Variants in CFAP53 observed in about 807,000 individuals in gnomAD.
CFAP53 encodes the protein cilia- and flagella-associated protein 53.
CFAP53 carries 62 observed loss-of-function variants against 59.7 expected under a neutral mutation model. The observed-to-expected ratio is 1.04, with a 90% CI of 0.85 to 1.28. The LOEUF is 1.28. CFAP53 is among the 50% of genes most tolerant of loss of function. The pLI, the probability that CFAP53 is intolerant of heterozygous loss-of-function variation, is 0.00. For synonymous variants in CFAP53, 218 were observed against 205.7 expected, an observed-to-expected ratio of 1.06 and a Z score of -0.51; for missense variants, 629 against 615.6, an observed-to-expected ratio of 1.02 and a Z score of -0.23.
At position 50,251,800 on chromosome 18, in the gene CFAP53, TAAA is replaced by T. The variant is rs1381206805; in HGVS notation, c.474-19_474-17del. 1.2e-6 allele frequency: 2 copies of T among 1,608,644 alleles called. No homozygotes were observed. Among genetic ancestry groups the T allele is most frequent in the East Asian group, 4.5e-5 (2 of 44,848 alleles). On this transcript the variant is annotated splice_polypyrimidine_tract_variant and intron_variant, in intron 3 of 7. Transcript: ENST00000398545. ...ACAGCGTTCCCTGAAAGGAAAATTT[TAAA>T]AAGACAAAACCCAGCCTTTCGTGAG...
chr18:50,256,635 T>G (rs1318284856), intron 3 of CFAP53, among the ~76,000 whole-genome samples: 1 of 152,098 alleles, frequency 6.6e-6, no homozygotes, highest in African/African-American at 2.4e-5. Context: ...TGCAATGGCT[T>G]ACTTCTCCTT....
intron 7 of CFAP53, 96 bp downstream of exon 7, chr18:50,238,507 C>T (rs1378444036): frequency 2.8e-6 from 2 of 715,718 alleles, no homozygotes; most frequent in African/African-American, 3.6e-5. Context: ...TTTCCTCAGC[C>T]TCCCAAAGTA....
intron 3 of CFAP53, among the ~76,000 whole-genome samples, chr18:50,259,847 G>T (rs559618623): frequency 1.1e-4 from 16 of 152,282 alleles, no homozygotes; most frequent in Non-Finnish European, 2.1e-4. Flanking sequence ...ACTGTGCCCA[G>T]CCAAATAACA....
At chr18:50,258,917 C>T (rs556871609) in intron 3 of CFAP53, among the ~76,000 whole-genome samples, 1 of 152,146 alleles carries the variant, frequency 6.6e-6, no homozygotes, top group Non-Finnish European at 1.5e-5. Flanking sequence ...ATCATTTCAC[C>T]CCAGTTAAAA....
intron 7 of CFAP53, among the ~76,000 whole-genome samples, chr18:50,229,740 C>CTTTT (rs141422966): frequency 2.2e-5 from 3 of 135,976 alleles, no homozygotes; most frequent in Non-Finnish European, 3.1e-5. Flanking sequence ...TTTTCTTTTT[C>CTTTT]TTTTTTTTTT....
chr18:50,253,025 T>C (rs1353860219), intron 3 of CFAP53, among the ~76,000 whole-genome samples: 2 of 151,898 alleles, frequency 1.3e-5, no homozygotes, highest in Admixed American at 6.5e-5. Context: ...TTTCTTTTTT[T>C]TTTTTTTTTG....
intron 3 of CFAP53, among the ~76,000 whole-genome samples, chr18:50,253,351 TAGAC>T (rs1483177007): frequency 6.6e-6 from 1 of 152,236 alleles, no homozygotes; most frequent in Non-Finnish European, 1.5e-5. Context: ...AATTAAATGA[TAGAC>T]AGAATATTTA....
Position 50,255,869 on chromosome 18 carries a change from C to CAA in CFAP53, c.474-4087_474-4086dup, listed in dbSNP as rs71169498. 7.6e-3 allele frequency among the ~76,000 whole-genome samples: 1,114 copies of CAA among 146,038 alleles called. 22 individuals carry two copies. Among genetic ancestry groups the CAA allele is most frequent in the East Asian group, 0.074 (372 of 5,040 alleles). ...TGTGGTATATTTATACAATGGAATA[C>CAA]AAAAAAAAAAAGAGGAAAATTTTCA... On this transcript the variant is annotated intron_variant, in intron 3 of 7. Coordinates refer to ENST00000398545, the MANE Select transcript of CFAP53 (RefSeq NM_145020.5).
chr18:50,241,577 G>C (rs1375964238), intron 6 of CFAP53, among the ~76,000 whole-genome samples: 2 of 152,152 alleles, frequency 1.3e-5, no homozygotes, highest in Non-Finnish European at 2.9e-5. Context: ...GAAATAAAGA[G>C]AAAGAGTACA....
chr18:50,243,017 C>T lies in CFAP53; in HGVS notation c.1096G>A (p.Glu366Lys), dbSNP rs760451495. The change falls in exon 6 of 8, where the codon GAA becomes AAA. Residue 366 changes from glutamate to lysine, a missense_variant. Physicochemically the swap from Glu to Lys is moderately conservative, Grantham distance 56 (BLOSUM62 1). Transcript: ENST00000398545. ...TCAGCCAACTTCTTTGCCTTGTCTT[C>T]CTCTAATATTCTGTCAAATTCTTTC... ...QEKEFDRILEEDKAKKLAEKD... is the reference protein window; with the variant it reads ...QEKEFDRILEKDKAKKLAEKD... 9.9e-6 allele frequency: 16 copies of T among 1,614,000 alleles called. No homozygotes were observed. The East Asian group carries it at 3.3e-4, about 34-fold the overall frequency.
intron 6 of CFAP53, among the ~76,000 whole-genome samples, chr18:50,238,910 T>C (rs1395138265): frequency 6.6e-6 from 1 of 152,076 alleles, no homozygotes; most frequent in Non-Finnish European, 1.5e-5. Context: ...AGATTTTCTG[T>C]TCATCATTTT....
intron 7 of CFAP53, among the ~76,000 whole-genome samples, chr18:50,233,892 G>A (rs1489516495): frequency 6.6e-6 from 1 of 152,214 alleles, no homozygotes; most frequent in Non-Finnish European, 1.5e-5. Flanking sequence ...ACAGGTTTAG[G>A]AGGGGAGCCT....
At chr18:50,245,858 CT>C (rs370680772) in intron 5 of CFAP53, among the ~76,000 whole-genome samples, 7 of 149,186 alleles carry the variant, frequency 4.7e-5, no homozygotes, top group Admixed American at 6.7e-5. Flanking sequence ...TTCTCTCTCT[CT>C]TTTTTTTTTG....
intron 6 of CFAP53, among the ~76,000 whole-genome samples, chr18:50,239,958 T>C (rs1374096920): frequency 6.6e-6 from 1 of 152,270 alleles, no homozygotes; most frequent in Non-Finnish European, 1.5e-5. Context: ...TTGTTAGATA[T>C]GAGTTCTAAA....
chr18:50,237,490 A>C (rs2033649308), intron 7 of CFAP53, among the ~76,000 whole-genome samples: 1 of 150,012 alleles, frequency 6.7e-6, no homozygotes, highest in Non-Finnish European at 1.5e-5. Flanking sequence ...GTTGTTTGTG[A>C]CCCCAAAGTG....
At chr18:50,234,861 C>T (rs1040887401) in intron 7 of CFAP53, among the ~76,000 whole-genome samples, 2 of 152,248 alleles carry the variant, frequency 1.3e-5, no homozygotes, top group Non-Finnish European at 2.9e-5. Flanking sequence ...TGGTCTAGGA[C>T]ATTCTGTTGC....
chr18:50,231,289 A>G (rs906175312), intron 7 of CFAP53, among the ~76,000 whole-genome samples: 1 of 152,122 alleles, frequency 6.6e-6, no homozygotes, highest in Non-Finnish European at 1.5e-5. Flanking sequence ...TCTCTAATAA[A>G]TCTGCCTTTC....
chr18:50,244,271 G>C (rs1372049582), intron 5 of CFAP53, among the ~76,000 whole-genome samples: 2 of 152,106 alleles, frequency 1.3e-5, no homozygotes, highest in African/African-American at 4.8e-5. Context: ...GGAGGTGATT[G>C]GGTCATGGGG....
At chr18:50,233,348 T>G (rs974936580) in intron 7 of CFAP53, among the ~76,000 whole-genome samples, 1 of 152,262 alleles carries the variant, frequency 6.6e-6, no homozygotes, top group African/African-American at 2.4e-5. Flanking sequence ...TTTTATCCAA[T>G]TCTACTACAG....
Sources: allele counts gnomAD v4.1 joint callset (sites outside exome capture counted in the v4.1 genomes callset), GRCh38; gene constraint gnomAD v4.1.1; transcripts MANE v1.5; gene names NCBI Gene and HGNC (gene_info 2026-07-23, HGNC 2026-07-21).